The following TOX3 variants were observed in gnomAD, a reference collection of about 807,000 sequenced individuals.
TOX3 encodes CAG trinucleotide repeat-containing gene F9 protein.
TOX3 carries 22 observed loss-of-function variants against 64.3 expected under a neutral mutation model. The ratio of observed to expected loss-of-function variants is 0.34; its 90% confidence interval spans 0.24 to 0.49. The LOEUF is 0.49. Ranked by LOEUF, TOX3 falls within the 20% of genes least tolerant of loss-of-function variation. The pLI is 0.99. For synonymous variants in TOX3, 291 were observed against 273.6 expected (o/e 1.06, Z -0.63); for missense variants, 661 against 714.4 (o/e 0.93, Z 0.85).
chr16:52,522,442 C>T (rs1427708604), intron 1 of TOX3, among the ~76,000 whole-genome samples: 1 of 152,212 alleles, frequency 6.6e-6, no homozygotes, highest in African/African-American at 2.4e-5. Context: ...CCTAGAGCTA[C>T]TGGCAGGCAG....
At chr16:52,474,024 C>T in intron 1 of TOX3, among the ~76,000 whole-genome samples, 1 of 152,176 alleles carries the variant, frequency 6.6e-6, no homozygotes, top group Admixed American at 6.5e-5. Flanking sequence ...CACACTCGTA[C>T]ATCCAACGGT....
At chr16:52,546,152 T>C (rs1239978067) in intron 1 of TOX3, among the ~76,000 whole-genome samples, 2 of 152,126 alleles carry the variant, frequency 1.3e-5, no homozygotes, top group Admixed American at 1.3e-4. Context: ...CAAAAGTTTG[T>C]TCCTTTCCGT....
At chr16:52,456,445 T>C (rs1960518375) in intron 3 of TOX3, among the ~76,000 whole-genome samples, 3 of 152,210 alleles carry the variant, frequency 2.0e-5, no homozygotes, top group African/African-American at 7.2e-5. Flanking sequence ...GCCTTCTATC[T>C]ATTGGCCTAT....
chr16:52,453,575 A>G (rs1960424155), intron 3 of TOX3, among the ~76,000 whole-genome samples: 1 of 152,206 alleles, frequency 6.6e-6, no homozygotes, highest in South Asian at 2.1e-4. Flanking sequence ...TAAATGAAGT[A>G]TTTTAATTCT....
chr16:52,541,339 T>A (rs140119999), intron 1 of TOX3, among the ~76,000 whole-genome samples: 1 of 152,330 alleles, frequency 6.6e-6, no homozygotes, highest in East Asian at 1.9e-4. Context: ...GCTCCTTTAG[T>A]TTCTTCTCCT....
intron 1 of TOX3, among the ~76,000 whole-genome samples, chr16:52,503,732 T>A (rs1004927225): frequency 3.9e-5 from 6 of 152,220 alleles, no homozygotes; most frequent in Non-Finnish European, 5.9e-5. Context: ...AAATTTTTTT[T>A]AAAGAGCTGT....
chr16:52,525,316 A>T (rs1962705924), intron 1 of TOX3, among the ~76,000 whole-genome samples: 1 of 152,102 alleles, frequency 6.6e-6, no homozygotes, highest in African/African-American at 2.4e-5. Context: ...CTCCTACTGG[A>T]AAGGGAATGG....
chr16:52,473,781 A>C (rs1372273272), intron 1 of TOX3, among the ~76,000 whole-genome samples: 4 of 152,210 alleles, frequency 2.6e-5, no homozygotes, highest in African/African-American at 9.6e-5. Context: ...ATCTACACCA[A>C]AGGTTGGAGG....
intron 1 of TOX3, among the ~76,000 whole-genome samples, chr16:52,479,185 T>C (rs887382953): frequency 2.6e-5 from 4 of 152,182 alleles, no homozygotes; most frequent in African/African-American, 9.7e-5. Flanking sequence ...GAAGGATGTG[T>C]AGGATCTCAC....
intron 1 of TOX3, among the ~76,000 whole-genome samples, chr16:52,489,138 A>G (rs1048833969): frequency 1.3e-5 from 2 of 151,944 alleles, no homozygotes; most frequent in African/African-American, 4.8e-5. Flanking sequence ...CCACTCCACC[A>G]TGGTTTGGTT....
intron 1 of TOX3, among the ~76,000 whole-genome samples, chr16:52,504,617 A>C (rs1316869210): frequency 6.6e-6 from 1 of 152,114 alleles, no homozygotes; most frequent in African/African-American, 2.4e-5. Context: ...CAGAGATGAG[A>C]CTTAAAGGAT....
chr16:52,492,419 A>G (rs1961712861), intron 1 of TOX3, among the ~76,000 whole-genome samples: 1 of 145,892 alleles, frequency 6.9e-6, no homozygotes, highest in African/African-American at 2.5e-5. Flanking sequence ...CATCATGAAT[A>G]TTATATATAT....
chr16:52,541,973 C>T (rs1303495278), intron 1 of TOX3, among the ~76,000 whole-genome samples: 2 of 152,162 alleles, frequency 1.3e-5, no homozygotes, highest in African/African-American at 4.8e-5. Flanking sequence ...TACAAAATTA[C>T]AACTAATAGA....
intron 6 of TOX3, 103 bp from the exon 7 acceptor site, chr16:52,440,071 A>C: frequency 1.1e-6 from 1 of 922,020 alleles, no homozygotes; most frequent in East Asian, 2.7e-5. Flanking sequence ...AACGGCCACC[A>C]TTATTCATGC....
chr16:52,513,880 C>G (rs1030210377), intron 1 of TOX3, among the ~76,000 whole-genome samples: 1 of 152,068 alleles, frequency 6.6e-6, no homozygotes, highest in East Asian at 1.9e-4. Context: ...TAATGGGAGG[C>G]CTGTATTAAA....
chr16:52,462,461 G>A (rs187649962), intron 3 of TOX3, among the ~76,000 whole-genome samples: 147 of 151,936 alleles, frequency 9.7e-4, no homozygotes, highest in African/African-American at 3.2e-3. Flanking sequence ...TAGCTTTAAG[G>A]CAAGGTAATT....
rs1269856802 is a variant in TOX3 at position 52,437,841 on chromosome 16, T to C, written c.*1384A>G. On this transcript the variant is annotated 3_prime_UTR_variant, in exon 7 of 7. Coordinates refer to ENST00000219746, the MANE Select transcript of TOX3 (RefSeq NM_001080430.4). ...CAATTACACAAATATTTCCAATGCGTTGTTTTGGTTTTTTCAAGGATCTTC... is the reference window on the plus strand; with the variant it reads ...CAATTACACAAATATTTCCAATGCGCTGTTTTGGTTTTTTCAAGGATCTTC... Among the ~76,000 whole-genome samples, 1 of 151,076 alleles carries C rather than the reference T, an allele frequency of 6.6e-6. No homozygotes were observed. Among genetic ancestry groups the C allele is most frequent in the African/African-American group, 2.4e-5 (1 of 41,150 alleles).
At chr16:52,522,528 T>C (rs2151479520) in intron 1 of TOX3, among the ~76,000 whole-genome samples, 1 of 152,244 alleles carries the variant, frequency 6.6e-6, no homozygotes, top group African/African-American at 2.4e-5. Context: ...TCAGTTGCAG[T>C]CATGTACCAT....
intron 3 of TOX3, among the ~76,000 whole-genome samples, chr16:52,461,583 A>G (rs968817416): frequency 1.1e-4 from 17 of 152,116 alleles, no homozygotes; most frequent in African/African-American, 3.9e-4. Context: ...AAGCTGGTTC[A>G]ATACAACATC....
Sources: gnomAD v4.1 joint callset for allele counts (sites outside exome capture counted in the v4.1 genomes callset) on GRCh38, gnomAD v4.1.1 for gene constraint, MANE v1.5 for transcripts, NCBI Gene and HGNC (gene_info 2026-07-23, HGNC 2026-07-21) for gene names.